AAK1: variants seen among roughly 807,000 people sequenced by gnomAD.
AAK1 encodes the protein AP2-associated protein kinase 1.
A neutral mutation model predicts 116.0 loss-of-function variants in AAK1; 37 were observed. The ratio of observed to expected loss-of-function variants is 0.32; its 90% CI spans 0.25 to 0.42. The LOEUF is 0.42. Among genes scored for constraint, AAK1 ranks in the 10% least tolerant of loss-of-function variants. The pLI, the probability that AAK1 is intolerant of heterozygous loss-of-function variation, is 1.00. For synonymous variants in AAK1, 458 were observed against 439.9 expected (o/e 1.04, Z -0.51); for missense variants, 919 against 1,170.6 (o/e 0.79, Z 3.14).
chr2:69,489,587 G>A (rs1435132727), intron 17 of AAK1, among the ~76,000 whole-genome samples: 1 of 152,070 alleles, frequency 6.6e-6, no homozygotes, highest in Admixed American at 6.5e-5. Context: ...GACATGGAAG[G>A]GCCGAATACC....
At chr2:69,541,593 A>T (rs1334113762) in intron 5 of AAK1, among the ~76,000 whole-genome samples, 4 of 152,090 alleles carry the variant, frequency 2.6e-5, no homozygotes, top group East Asian at 3.8e-4. Context: ...AATTTTTTTT[A>T]AAAAGTTAAG....
intron 3 of AAK1, 126 bp from the exon 4 acceptor site, chr2:69,544,670 A>C (rs1264515367): frequency 2.9e-6 from 2 of 698,188 alleles, no homozygotes; most frequent in South Asian, 1.9e-5. Context: ...GAGAAGACTA[A>C]GGAGCAAAGT....
At position 69,519,228 on chromosome 2, in the gene AAK1, T is replaced by G. The variant is rs1669639019; in HGVS notation, c.1223A>C (p.Gln408Pro). 6.3e-7 allele frequency: 1 copy of G among 1,580,402 alleles called. No individual in the cohort carries two copies. Among genetic ancestry groups the G allele is most frequent in the African/African-American group, 1.3e-5 (1 of 74,334 alleles). The change falls in exon 12 of 22, where the codon CAG becomes CCG. Residue 408 changes from glutamine to proline, a missense_variant. Gln to Pro is a moderately conservative substitution (Grantham distance 76). Coordinates refer to ENST00000409085, the MANE Select transcript of AAK1 (RefSeq NM_014911.5). The stretch of plus-strand genomic sequence containing the variant: ...GGGAACACTGGCTAAAAGGCCAGGC[T>G]GATTGCTGGATCCTGCAATGAGAAT... ...PPPQAAGSSN[Q>P]PGLLASVPQP... is the part of the protein sequence containing the mutation.
chr2:69,643,695 TCCCG>T lies in AAK1; in HGVS notation c.-359_-356del, dbSNP rs1225308848. On this transcript the variant is annotated 5_prime_UTR_variant, in exon 1 of 22. Transcript: ENST00000409085. ...AGCGAGAGCCGGGGCCGCGCTCGGCTCCCGCCCGCCCGCCAGCTGATCCCGGGAG... is the reference window on the plus strand; with the variant it reads ...AGCGAGAGCCGGGGCCGCGCTCGGCTCCCGCCCGCCAGCTGATCCCGGGAG... The T allele has an allele frequency of 6.2e-5, 75 of 1,218,654 alleles. 1 individual carries two copies. In the East Asian group the frequency reaches 1.9e-3, roughly 31 times the overall value. The allele number at this position is 1,218,654 out of a possible 1,614,324, so 75.5% of individuals were successfully genotyped here. A position where few individuals can be genotyped will look rare whatever the true frequency, so the allele number is the denominator to read the frequency against.
intron 2 of AAK1, among the ~76,000 whole-genome samples, chr2:69,622,380 C>G (rs148110074): frequency 6.6e-6 from 1 of 152,016 alleles, no homozygotes; most frequent in African/African-American, 2.4e-5. Context: ...ACCCCCTGCT[C>G]CACAGCGCCC....
intron 21 of AAK1, 52 bp downstream of exon 21, chr2:69,476,828 T>C (rs981653034): frequency 1.4e-5 from 19 of 1,336,886 alleles, no homozygotes; most frequent in African/African-American, 2.9e-5. Context: ...GCATGACTAT[T>C]TTGAAGAGAA....
chr2:69,557,268 G>A (rs1361574870), intron 2 of AAK1, among the ~76,000 whole-genome samples: 13 of 151,526 alleles, frequency 8.6e-5, no homozygotes, highest in Admixed American at 8.5e-4. Flanking sequence ...CAGATAAATG[G>A]GTAGTACTAC....
intron 2 of AAK1, among the ~76,000 whole-genome samples, chr2:69,609,124 G>T (rs544150296): frequency 6.6e-6 from 1 of 152,338 alleles, no homozygotes; most frequent in African/African-American, 2.4e-5. Flanking sequence ...CACTTTGGGA[G>T]GCCAAGGCAG....
At chr2:69,545,491 T>C (rs1206716515) in intron 3 of AAK1, among the ~76,000 whole-genome samples, 1 of 152,230 alleles carries the variant, frequency 6.6e-6, no homozygotes, top group African/African-American at 2.4e-5. Context: ...GGAAAACATG[T>C]GGTCCCCTGA....
At chr2:69,505,539 C>A in intron 16 of AAK1, 30 bp downstream of exon 16, 2 of 1,586,422 alleles carry the variant, frequency 1.3e-6, no homozygotes, top group Non-Finnish European at 1.7e-6. Flanking sequence ...CAACAGTGAA[C>A]CTCCCGTTCC....
chr2:69,612,516 T>C (rs2105219979), intron 2 of AAK1, among the ~76,000 whole-genome samples: 1 of 152,368 alleles, frequency 6.6e-6, no homozygotes, highest in South Asian at 2.1e-4. Flanking sequence ...CAGCTGGCTC[T>C]AGACGTTTCA....
At chr2:69,482,634 G>A (rs746755097) in intron 18 of AAK1, 77 bp downstream of exon 18, 1 of 1,217,526 alleles carries the variant, frequency 8.2e-7, no homozygotes, top group South Asian at 1.3e-5. Flanking sequence ...CCAGGGATTG[G>A]TTAACTAGGT....
chr2:69,643,657 G>A lies in AAK1; in HGVS notation c.-317C>T. On this transcript the variant is annotated 5_prime_UTR_variant, in exon 1 of 22. Coordinates refer to ENST00000409085, the MANE Select transcript of AAK1 (RefSeq NM_014911.5). ...CCGGGCCGGCCTGCGACGCAGAGAAGAGGCGGCGCTGCAGCGAGAGCCGGG... is the reference window on the plus strand; with the variant it reads ...CCGGGCCGGCCTGCGACGCAGAGAAAAGGCGGCGCTGCAGCGAGAGCCGGG... 4 of 1,226,722 alleles carry A rather than the reference G, an allele frequency of 3.3e-6. No homozygotes were observed. The highest frequency in any genetic ancestry group is 3.1e-4 in the Middle Eastern group (1 of 3,178). The allele number at this position is 1,226,722 out of a possible 1,614,324, so 76.0% of individuals were successfully genotyped here. A position where few individuals can be genotyped will look rare whatever the true frequency, so the allele number is the denominator to read the frequency against.
chr2:69,634,896 C>T (rs989246352), intron 2 of AAK1, among the ~76,000 whole-genome samples: 1 of 152,162 alleles, frequency 6.6e-6, no homozygotes, highest in Non-Finnish European at 1.5e-5. Flanking sequence ...AGAACCACTG[C>T]TCTAGACTAC....
chr2:69,466,115 G>A lies in AAK1; in HGVS notation c.*9754C>T, dbSNP rs1426494084. 7.7e-6 allele frequency: 10 copies of A among 1,290,742 alleles called. No individual in the cohort carries two copies. Among genetic ancestry groups the A allele is most frequent in the Non-Finnish European group, 1.0e-5 (10 of 988,872 alleles). The allele number at this position is 1,290,742 out of a possible 1,614,324, so 80.0% of individuals were successfully genotyped here. On this transcript the variant is annotated 3_prime_UTR_variant, in exon 22 of 22. Transcript: ENST00000409085. ...CCCTTGAGCTCCTGAAGGGAGCTATGGCAAAAACATCTGGCTCACTGAGCC... is the reference window on the plus strand; with the variant it reads ...CCCTTGAGCTCCTGAAGGGAGCTATAGCAAAAACATCTGGCTCACTGAGCC...
intron 2 of AAK1, chr2:69,598,883 C>A: frequency 6.7e-6 from 2 of 296,486 alleles, no homozygotes; most frequent in South Asian, 3.4e-5. Context: ...GATTGCAGCC[C>A]ATGGCTTTTT....
rs1047639380 is a variant in AAK1, at chr2:69,459,474, G to C, written c.*16395C>G. The C allele has an allele frequency of 1.3e-5, 2 of 152,282 alleles. No individual in the cohort carries two copies. The highest frequency in any genetic ancestry group is 2.9e-5 in the Non-Finnish European group (2 of 68,176). 9.4% of individuals were successfully genotyped at this position (152,282 alleles called of 1,614,324 possible). On this transcript the variant is annotated 3_prime_UTR_variant, in exon 22 of 22. Coordinates refer to ENST00000409085, the MANE Select transcript of AAK1 (RefSeq NM_014911.5). ...AGACAAGGTTTTGCCATGTTGCCCA[G>C]GTTGGTCTTGAACTCATGAGCTCAA...
At chr2:69,570,385 A>G (rs771051016) in intron 2 of AAK1, among the ~76,000 whole-genome samples, 7 of 151,978 alleles carry the variant, frequency 4.6e-5, no homozygotes, top group Non-Finnish European at 1.0e-4. Flanking sequence ...TTTTCAGATT[A>G]CCATACATGT....
In AAK1 at chr2:69,532,146, A is replaced by C. The variant is rs2105027113; in HGVS notation, c.551T>G (p.Leu184Trp). The C allele has an allele frequency of 6.2e-7, 1 of 1,613,518 alleles. No homozygotes were observed. The highest frequency in any genetic ancestry group is 2.2e-5 in the East Asian group (1 of 44,874). ...HRDLKVENILLHDRGHYVLCD... is the reference protein window; with the variant it reads ...HRDLKVENILWHDRGHYVLCD... Reference sequence around the variant, plus strand: ...CAGGACATAGTGGCCTCGGTCATGCAAGAGGATGTTTTCAACCTGAAAAAC... The same window carrying C: ...CAGGACATAGTGGCCTCGGTCATGCCAGAGGATGTTTTCAACCTGAAAAAC... Residue 184 changes from leucine to tryptophan, a missense_variant, in exon 6 of 22, where the codon TTG becomes TGG. Leu to Trp is a moderately conservative substitution (Grantham distance 61, BLOSUM62 -2). Around this residue, in one of 4 missense-constraint regions of AAK1, gnomAD observed 317 missense variants for 490.4 expected, o/e 0.65. Coordinates refer to ENST00000409085, the MANE Select transcript of AAK1 (RefSeq NM_014911.5).
Sources: allele counts gnomAD v4.1 joint callset (sites outside exome capture counted in the v4.1 genomes callset), GRCh38; gene constraint gnomAD v4.1.1; regional missense constraint gnomAD v4.1.1; transcripts MANE v1.5; gene names NCBI Gene and HGNC (gene_info 2026-07-23, HGNC 2026-07-21).